Variants in ZC3HAV1 observed in about 807,000 individuals in gnomAD.
ZC3HAV1 encodes zinc finger CCCH-type antiviral protein 1.
ZC3HAV1 carries 41 observed loss-of-function variants against 86.6 expected under a neutral mutation model. The observed-to-expected ratio is 0.47, with a 90% CI of 0.37 to 0.61. The LOEUF (loss-of-function observed/expected upper bound fraction) is 0.61, where lower values mean the gene tolerates loss of function less well. Among genes scored for constraint, ZC3HAV1 ranks in the 20% least tolerant of loss-of-function variants. The pLI is 0.00. For missense variants in ZC3HAV1, 964 were observed against 1,141.1 expected (o/e 0.84, Z 2.24); for synonymous variants, 421 against 432.1 (o/e 0.97, Z 0.32).
intron 1 of ZC3HAV1, among the ~76,000 whole-genome samples, chr7:139,091,954 A>C (rs970866425): frequency 6.6e-6 from 1 of 152,170 alleles, no homozygotes; most frequent in Non-Finnish European, 1.5e-5. Context: ...GAGACGGCTA[A>C]CGCTCAAAGT....
chr7:139,095,193 AATAAAATGTC>A (rs1253108137), intron 1 of ZC3HAV1, among the ~76,000 whole-genome samples: 2 of 152,180 alleles, frequency 1.3e-5, no homozygotes, highest in Admixed American at 1.3e-4. Flanking sequence ...TGAGCTAAAG[AATAAAATGTC>A]ATCAGTCAAA....
chr7:139,062,323 T>C (rs1816465766), intron 8 of ZC3HAV1, among the ~76,000 whole-genome samples: 1 of 152,150 alleles, frequency 6.6e-6, no homozygotes, highest in Non-Finnish European at 1.5e-5. Flanking sequence ...ATATCCAAGT[T>C]TCTATCACTG....
chr7:139,102,994 G>A (rs575746467), intron 1 of ZC3HAV1, among the ~76,000 whole-genome samples: 85 of 148,820 alleles, frequency 5.7e-4, no homozygotes, highest in Middle Eastern at 3.5e-3. Flanking sequence ...GTTTATATAT[G>A]ATATATATAA....
At chr7:139,094,649 C>T (rs1817531561) in intron 1 of ZC3HAV1, among the ~76,000 whole-genome samples, 1 of 152,172 alleles carries the variant, frequency 6.6e-6, no homozygotes. Context: ...AGGCAATAAG[C>T]GCTCTCTCTC....
chr7:139,090,360 G>T lies in ZC3HAV1; in HGVS notation c.309-601C>A, dbSNP rs551092452. ...CCTCCTTGGCCTCCCAAAGCACTGG[G>T]ATTACAGATGTGAACCACCACACCC... On this transcript the variant is annotated intron_variant, in intron 1 of 12. Coordinates refer to ENST00000242351, the MANE Select transcript of ZC3HAV1 (RefSeq NM_020119.4). Among the ~76,000 whole-genome samples the T allele has an allele frequency of 5.3e-5, 8 of 151,964 alleles. No individual in the cohort carries two copies. In the East Asian group the frequency reaches 1.4e-3, roughly 26 times the overall value.
At chr7:139,101,515 C>G (rs1190186358) in intron 1 of ZC3HAV1, among the ~76,000 whole-genome samples, 3 of 38,694 alleles carry the variant, frequency 7.8e-5, no homozygotes, top group South Asian at 9.1e-4. Flanking sequence ...GGAGGTGTAC[C>G]CAACAGCTCA....
chr7:139,095,022 C>T (rs1170888462), intron 1 of ZC3HAV1, among the ~76,000 whole-genome samples: 3 of 150,864 alleles, frequency 2.0e-5, no homozygotes, highest in African/African-American at 7.3e-5. Context: ...CGAAGTACTC[C>T]TTCCCTTCTC....
At chr7:139,091,671 C>G (rs1316918231) in intron 1 of ZC3HAV1, among the ~76,000 whole-genome samples, 3 of 151,734 alleles carry the variant, frequency 2.0e-5, no homozygotes, top group African/African-American at 4.9e-5. Flanking sequence ...GGCTGGAGTG[C>G]AGTGGCACAA....
At chr7:139,104,505 G>T (rs375033799) in intron 1 of ZC3HAV1, among the ~76,000 whole-genome samples, 74 of 150,236 alleles carry the variant, frequency 4.9e-4, no homozygotes, top group African/African-American at 1.6e-3. Flanking sequence ...CCTGAGCTCA[G>T]GAGTTGGAGA....
At chr7:139,067,563 G>T (rs1316489277) in intron 7 of ZC3HAV1, among the ~76,000 whole-genome samples, 2 of 152,124 alleles carry the variant, frequency 1.3e-5, no homozygotes, top group Non-Finnish European at 2.9e-5. Flanking sequence ...AGAAGGATAG[G>T]GCAGGTTGGG....
chr7:139,044,481 G>A lies in ZC3HAV1; in HGVS notation c.*3113C>T, dbSNP rs986879157. ...ATTTCTCCTTAATAAGAGAGTTAGG[G>A]CATTAAATTGATTTTTTTAAGAAAT... On this transcript the variant is annotated 3_prime_UTR_variant, in exon 13 of 13. Transcript: ENST00000242351. 2 of 152,062 alleles carry A rather than the reference G, an allele frequency of 1.3e-5. No homozygotes were observed. Among genetic ancestry groups the A allele is most frequent in the Non-Finnish European group, 2.9e-5 (2 of 68,020 alleles). The allele number at this position is 152,062 out of a possible 1,614,324, so 9.4% of individuals were successfully genotyped here. A position where few individuals can be genotyped will look rare whatever the true frequency, so the allele number is the denominator to read the frequency against.
At chr7:139,068,307 G>T (rs928932423) in intron 7 of ZC3HAV1, among the ~76,000 whole-genome samples, 1 of 152,000 alleles carries the variant, frequency 6.6e-6, no homozygotes, top group African/African-American at 2.4e-5. Context: ...TGATCTGCCC[G>T]CCTCAGCCTC....
Position 139,089,750 on chromosome 7 carries a change from G to C in ZC3HAV1, c.318C>G (p.Cys106Trp). 6.2e-7 allele frequency: 1 copy of C among 1,606,990 alleles called. No homozygotes were observed. Among genetic ancestry groups the C allele is most frequent in the African/African-American group, 1.3e-5 (1 of 74,546 alleles). The change falls in exon 2 of 13, where the codon TGC becomes TGG. Residue 106 changes from cysteine (C) to tryptophan (W), a missense_variant. Physicochemically the swap from Cys to Trp is radical, Grantham distance 215. Coordinates refer to ENST00000242351, the MANE Select transcript of ZC3HAV1 (RefSeq NM_020119.4). The stretch of plus-strand genomic sequence containing the variant: ...CTGAGAGAACCTCATGAGAATATTT[G>C]CATAAATTCCTGGAAGAAAACACGA... ...CNYSQSERNL[C>W]KYSHEVLSEE...
At chr7:139,060,863 C>T (rs1353133569) in intron 9 of ZC3HAV1, 173 bp downstream of exon 9, 16 of 1,529,938 alleles carry the variant, frequency 1.0e-5, no homozygotes, top group Non-Finnish European at 1.4e-5. Context: ...CTTTCAGTCA[C>T]ACCATGCTGC....
Position 139,079,739 on chromosome 7 carries a change from T to G in ZC3HAV1, c.1202A>C (p.Lys401Thr). The change falls in exon 4 of 13, where the codon AAG (lysine) becomes ACG (threonine). Residue 401 changes from lysine to threonine, a missense_variant. Lys to Thr is a moderately conservative substitution (Grantham distance 78). Transcript: ENST00000242351. Reference protein sequence around the residue: ...LQTPEAVTTRKGTGLLSSDYR... With the variant: ...LQTPEAVTTRTGTGLLSSDYR... Reference sequence around the variant, plus strand: ...GTCTGAGGAAAGCAAGCCTGTGCCCTTTCTGGTGGTCACAGCTTCAGGTGT... The same window carrying G: ...GTCTGAGGAAAGCAAGCCTGTGCCCGTTCTGGTGGTCACAGCTTCAGGTGT... 1 of 1,614,180 alleles carries G rather than the reference T, an allele frequency of 6.2e-7. No homozygotes were observed. Among genetic ancestry groups the G allele is most frequent in the Non-Finnish European group, 8.5e-7 (1 of 1,180,036 alleles).
intron 7 of ZC3HAV1, among the ~76,000 whole-genome samples, chr7:139,066,566 G>A (rs190954685): frequency 2.0e-5 from 3 of 152,322 alleles, no homozygotes; most frequent in African/African-American, 7.2e-5. Context: ...CAACAATTAA[G>A]TCATATCATG....
intron 5 of ZC3HAV1, among the ~76,000 whole-genome samples, chr7:139,076,853 C>T (rs1816966881): frequency 6.6e-6 from 1 of 151,724 alleles, no homozygotes; most frequent in African/African-American, 2.4e-5. Flanking sequence ...GATCACCCCA[C>T]TGCACTCCAG....
intron 1 of ZC3HAV1, among the ~76,000 whole-genome samples, chr7:139,105,759 A>G (rs1207649687): frequency 6.6e-6 from 1 of 152,244 alleles, no homozygotes; most frequent in Non-Finnish European, 1.5e-5. Context: ...GGTATCAATT[A>G]GTTAACAGAC....
At chr7:139,102,939 T>C (rs1382536404) in intron 1 of ZC3HAV1, among the ~76,000 whole-genome samples, 1 of 95,496 alleles carries the variant, frequency 1.0e-5, no homozygotes, top group African/African-American at 5.7e-5. Context: ...AAAGTATATA[T>C]ATATGTATAT....
Sources: allele counts gnomAD v4.1 joint callset (sites outside exome capture counted in the v4.1 genomes callset), GRCh38; gene constraint gnomAD v4.1.1; transcripts MANE v1.5; gene names NCBI Gene and HGNC (gene_info 2026-07-23, HGNC 2026-07-21).